The following KLHL29 variants were observed in gnomAD, a reference collection of about 807,000 sequenced individuals.
The protein encoded by KLHL29 is kelch like family member 29.
Under a neutral mutation model 80.4 loss-of-function variants are expected in KLHL29, and 21 were observed. The observed-to-expected ratio is 0.26, with a 90% CI of 0.19 to 0.38. The LOEUF is 0.38. KLHL29 is among the 10% of genes least tolerant of loss of function. KLHL29 has a pLI of 1.00. For missense variants in KLHL29, 867 were observed against 1,223.9 expected, an observed-to-expected ratio of 0.71 and a Z score of 4.35; for synonymous variants, 511 against 526.8, an observed-to-expected ratio of 0.97 and a Z score of 0.41.
chr2:23,634,732 A>T (rs1283674378), intron 3 of KLHL29, among the ~76,000 whole-genome samples: 2 of 152,128 alleles, frequency 1.3e-5, no homozygotes, highest in African/African-American at 4.8e-5. Flanking sequence ...CAACAGTGTT[A>T]AGGGTCCCAG....
At chr2:23,413,274 G>T (rs1477567877) in intron 1 of KLHL29, among the ~76,000 whole-genome samples, 1 of 151,868 alleles carries the variant, frequency 6.6e-6, no homozygotes, top group Non-Finnish European at 1.5e-5. Flanking sequence ...CACTGAGTTA[G>T]CCAGATGAGC....
chr2:23,624,455 A>G (rs577265730), intron 3 of KLHL29, among the ~76,000 whole-genome samples: 90 of 152,092 alleles, frequency 5.9e-4, no homozygotes, highest in Non-Finnish European at 1.2e-3. Flanking sequence ...CGTTGCCATT[A>G]TTTAGCCAAA....
rs988471079 is a variant in KLHL29 at position 23,385,245 on chromosome 2, C to T, written c.-689C>T. On this transcript the variant is annotated 5_prime_UTR_variant, in exon 1 of 14. Transcript: ENST00000486442. ...CCCCGCGCCGCGGCCGCGCCAGCCCCCGCGCCGCCGCCGCCGTCCCCGCCA... is the reference window on the plus strand; with the variant it reads ...CCCCGCGCCGCGGCCGCGCCAGCCCTCGCGCCGCCGCCGCCGTCCCCGCCA... The T allele has an allele frequency of 1.3e-5, 2 of 148,612 alleles. No homozygotes were observed. The highest frequency in any genetic ancestry group is 2.5e-5 in the African/African-American group (1 of 40,734). The allele number at this position is 148,612 out of a possible 1,614,324, so 9.2% of individuals were successfully genotyped here.
chr2:23,463,101 T>TA (rs1664259182), intron 1 of KLHL29, among the ~76,000 whole-genome samples: 1 of 151,928 alleles, frequency 6.6e-6, no homozygotes, highest in Non-Finnish European at 1.5e-5. Flanking sequence ...TTTTTTTTTT[T>TA]AATCACTAGA....
intron 2 of KLHL29, among the ~76,000 whole-genome samples, chr2:23,476,755 A>G (rs1664652514): frequency 6.6e-6 from 1 of 152,340 alleles, no homozygotes; most frequent in South Asian, 2.1e-4. Context: ...AAATTTTTAG[A>G]GTCCTAGCTT....
In KLHL29 at chr2:23,696,918, A is replaced by C. The variant is rs927035948; in HGVS notation, c.2105+405A>C. ...GGGGTTTCGGGCAAAGCTGGAAGCA[A>C]TGTTTAAAATGCAGGTCATGCCAGT... On this transcript the variant is annotated intron_variant, in intron 11 of 13. Transcript: ENST00000486442. The surrounding 1 kb of genome is among the most constrained non-coding windows in gnomAD (Gnocchi z 5.5). 5.7e-6 allele frequency: 1 copy of C among 174,358 alleles called. No individual in the cohort carries two copies. The highest frequency in any genetic ancestry group is 1.2e-5 in the Non-Finnish European group (1 of 81,450). The allele number at this position is 174,358 out of a possible 1,614,324, so 10.8% of individuals were successfully genotyped here. A position where few individuals can be genotyped will look rare whatever the true frequency, so the allele number is the denominator to read the frequency against.
At chr2:23,402,509 G>A (rs531494405) in intron 1 of KLHL29, among the ~76,000 whole-genome samples, 4 of 151,958 alleles carry the variant, frequency 2.6e-5, no homozygotes, top group South Asian at 2.1e-4. Flanking sequence ...GAGTCCCAGC[G>A]CCCCCATCCT....
chr2:23,403,493 G>T (rs1265086551), intron 1 of KLHL29, among the ~76,000 whole-genome samples: 2 of 152,156 alleles, frequency 1.3e-5, no homozygotes, highest in Non-Finnish European at 2.9e-5. Context: ...CTTTCTTAAA[G>T]CAGGCTTCAA....
intron 1 of KLHL29, among the ~76,000 whole-genome samples, chr2:23,401,432 T>C (rs1666596764): frequency 6.6e-6 from 1 of 152,214 alleles, no homozygotes; most frequent in Non-Finnish European, 1.5e-5. Context: ...AGCTTGGACA[T>C]GCACCTGTGA....
chr2:23,556,312 C>T (rs576838057), intron 2 of KLHL29, among the ~76,000 whole-genome samples: 4 of 152,168 alleles, frequency 2.6e-5, no homozygotes, highest in South Asian at 2.1e-4. Flanking sequence ...GAGGCGCAGG[C>T]GTGGTGTTGA....
chr2:23,689,926 G>C (rs899537530), intron 6 of KLHL29: 2 of 152,344 alleles, frequency 1.3e-5, no homozygotes, highest in African/African-American at 2.4e-5. Flanking sequence ...GTCACTCTGT[G>C]TTGGGGGGTT....
chr2:23,413,962 GA>G (rs1666924995), intron 1 of KLHL29, among the ~76,000 whole-genome samples: 1 of 152,230 alleles, frequency 6.6e-6, no homozygotes, highest in Admixed American at 6.5e-5. Flanking sequence ...CAAATGATTG[GA>G]AAAGAGGCTG....
chr2:23,421,263 T>G (rs956324659), intron 1 of KLHL29, among the ~76,000 whole-genome samples: 9 of 152,214 alleles, frequency 5.9e-5, no homozygotes, highest in African/African-American at 1.9e-4. Flanking sequence ...CGGCATGGCC[T>G]GGATTGTAGT....
In KLHL29 at chr2:23,549,492, C is replaced by T. The variant is rs571224571; in HGVS notation, c.-45-12660C>T. Among the ~76,000 whole-genome samples the T allele has an allele frequency of 4.6e-5, 7 of 151,332 alleles. No homozygotes were observed. The East Asian group carries it at 1.2e-3, about 25-fold the overall frequency. The stretch of plus-strand genomic sequence containing the variant: ...TTTTTTAATTAAATTAAATTAAAAA[C>T]ACGGACATAGAATAAAGACGATGAA... On this transcript the variant is annotated intron_variant, in intron 2 of 13. Coordinates refer to ENST00000486442, the MANE Select transcript of KLHL29 (RefSeq NM_052920.2).
intron 2 of KLHL29, among the ~76,000 whole-genome samples, chr2:23,501,222 GC>G (rs1288596189): frequency 6.6e-6 from 1 of 152,064 alleles, no homozygotes; most frequent in Non-Finnish European, 1.5e-5. Flanking sequence ...TTCCCTTCCA[GC>G]CCAGGTTGGG....
At chr2:23,473,610 C>T (rs188185581) in intron 1 of KLHL29, among the ~76,000 whole-genome samples, 2 of 152,238 alleles carry the variant, frequency 1.3e-5, no homozygotes, top group Admixed American at 1.3e-4. Context: ...CACTGTCCCT[C>T]TAGGCTACAG....
intron 1 of KLHL29, among the ~76,000 whole-genome samples, chr2:23,461,347 T>C (rs562397056): frequency 1.3e-5 from 2 of 152,254 alleles, no homozygotes; most frequent in South Asian, 2.1e-4. Flanking sequence ...CTACTTTGGG[T>C]CTGAGCTCTG....
intron 1 of KLHL29, among the ~76,000 whole-genome samples, chr2:23,397,540 A>G (rs1212830654): frequency 6.6e-6 from 1 of 152,172 alleles, no homozygotes; most frequent in Non-Finnish European, 1.5e-5. Flanking sequence ...ATTTTTTGAT[A>G]GCTCAAATAG....
At chr2:23,592,321 C>T (rs1459812075) in intron 3 of KLHL29, among the ~76,000 whole-genome samples, 1 of 152,272 alleles carries the variant, frequency 6.6e-6, no homozygotes, top group Non-Finnish European at 1.5e-5. Flanking sequence ...CCTGGTTGCC[C>T]ACCCAAAGCT....
Sources: allele counts gnomAD v4.1 joint callset (sites outside exome capture counted in the v4.1 genomes callset), GRCh38; gene constraint gnomAD v4.1.1; non-coding constraint Gnocchi (gnomAD v3.1); transcripts MANE v1.5; gene names NCBI Gene and HGNC (gene_info 2026-07-23, HGNC 2026-07-21).